Variants in RCOR1 observed in about 807,000 individuals in gnomAD.
RCOR1 encodes the protein REST corepressor 1.
A neutral mutation model predicts 64.0 loss-of-function variants in RCOR1; 12 were observed. The ratio of observed to expected loss-of-function variants is 0.19; its 90% CI spans 0.12 to 0.30. The LOEUF is 0.30. Among genes scored for constraint, RCOR1 ranks in the 10% least tolerant of loss-of-function variants. RCOR1 has a pLI of 1.00. For missense variants in RCOR1, 502 were observed against 621.2 expected (o/e 0.81, Z 2.04); for synonymous variants, 279 against 227.2 (o/e 1.23, Z -2.05).
intron 11 of RCOR1, among the ~76,000 whole-genome samples, chr14:102,725,085 A>G (rs1896234048): frequency 6.6e-6 from 1 of 152,206 alleles, no homozygotes; most frequent in Admixed American, 6.5e-5. Context: ...TGACGTGGAC[A>G]AGGGTGGGTT....
chr14:102,613,924 C>T (rs1419385158), intron 2 of RCOR1, among the ~76,000 whole-genome samples: 1 of 112,472 alleles, frequency 8.9e-6, no homozygotes, highest in Non-Finnish European at 1.7e-5. Flanking sequence ...CAGAGTTTCG[C>T]TGTTGTTGCC....
intron 3 of RCOR1, among the ~76,000 whole-genome samples, chr14:102,696,098 A>C (rs559835622): frequency 6.1e-4 from 93 of 152,164 alleles, no homozygotes; most frequent in Middle Eastern, 6.8e-3. Flanking sequence ...ATTGATCATT[A>C]TTATCATCTG....
At chr14:102,648,636 A>T (rs143820148) in intron 2 of RCOR1, among the ~76,000 whole-genome samples, 1 of 152,320 alleles carries the variant, frequency 6.6e-6, no homozygotes, top group South Asian at 2.1e-4. Flanking sequence ...TTTATTGTCT[A>T]TATCTCTGCC....
intron 3 of RCOR1, among the ~76,000 whole-genome samples, chr14:102,687,975 T>A (rs1243807660): frequency 6.6e-6 from 1 of 151,454 alleles, no homozygotes; most frequent in East Asian, 1.9e-4. Context: ...TTTTTTTTTT[T>A]TTTTTTTTGA....
intron 11 of RCOR1, among the ~76,000 whole-genome samples, chr14:102,723,549 G>A (rs1896205033): frequency 6.6e-6 from 1 of 152,200 alleles, no homozygotes; most frequent in South Asian, 2.1e-4. Context: ...TATTGCCAAG[G>A]TCAGTACCCC....
At chr14:102,631,525 TA>T (rs1366014675) in intron 2 of RCOR1, among the ~76,000 whole-genome samples, 1 of 151,862 alleles carries the variant, frequency 6.6e-6, no homozygotes, top group Non-Finnish European at 1.5e-5. Flanking sequence ...TTTTTGAGAA[TA>T]AAAAGGGGCC....
chr14:102,652,846 AT>A (rs1295402549), intron 2 of RCOR1, among the ~76,000 whole-genome samples: 1 of 152,192 alleles, frequency 6.6e-6, no homozygotes, highest in African/African-American at 2.4e-5. Flanking sequence ...TATCGGGAAG[AT>A]TTGAGGGGAG....
At chr14:102,621,741 G>T (rs1893877403) in intron 2 of RCOR1, among the ~76,000 whole-genome samples, 1 of 152,104 alleles carries the variant, frequency 6.6e-6, no homozygotes, top group South Asian at 2.1e-4. Context: ...TACAAAGGCG[G>T]AATTTGACTG....
chr14:102,720,923 T>C (rs1229211544), intron 8 of RCOR1, 84 bp from the exon 9 acceptor site: 1 of 707,380 alleles, frequency 1.4e-6, no homozygotes, highest in Non-Finnish European at 2.3e-6. Flanking sequence ...TCTTGGGTTT[T>C]TGTTTCTTTA....
intron 3 of RCOR1, among the ~76,000 whole-genome samples, chr14:102,686,422 C>A (rs1282709867): frequency 1.3e-5 from 2 of 152,160 alleles, no homozygotes; most frequent in African/African-American, 4.8e-5. Flanking sequence ...ACGTTTGTTA[C>A]AATCAAGCAG....
At chr14:102,653,441 G>A (rs1894634027) in intron 2 of RCOR1, among the ~76,000 whole-genome samples, 1 of 152,116 alleles carries the variant, frequency 6.6e-6, no homozygotes, top group African/African-American at 2.4e-5. Flanking sequence ...GCTGGCCTCG[G>A]CTTCCCAAAG....
intron 2 of RCOR1, among the ~76,000 whole-genome samples, chr14:102,600,367 G>A (rs577205148): frequency 3.3e-5 from 5 of 151,850 alleles, no homozygotes; most frequent in African/African-American, 9.7e-5. Flanking sequence ...GAGCCACCGC[G>A]CCCAGCCAGT....
chr14:102,643,356 G>A, intron 2 of RCOR1: 1 of 966,528 alleles, frequency 1.0e-6, no homozygotes, highest in Non-Finnish European at 1.2e-6. Context: ...AAGGAAGAAA[G>A]GTAAAAACAT....
At chr14:102,716,746 A>T (rs956846086) in intron 8 of RCOR1, among the ~76,000 whole-genome samples, 1 of 152,178 alleles carries the variant, frequency 6.6e-6, no homozygotes, top group East Asian at 1.9e-4. Context: ...AACTTTATGT[A>T]CTTTATTAAT....
chr14:102,711,282 C>T (rs1278628708), intron 7 of RCOR1, among the ~76,000 whole-genome samples: 2 of 152,212 alleles, frequency 1.3e-5, no homozygotes, highest in Non-Finnish European at 2.9e-5. Context: ...TGACTTTCTT[C>T]GTAAGCCATT....
At chr14:102,643,429 A>G (rs1425028050) in intron 2 of RCOR1, 1 of 478,992 alleles carries the variant, frequency 2.1e-6, no homozygotes, top group Non-Finnish European at 2.7e-6. Flanking sequence ...AGATGTCACT[A>G]ATGTTTTAGA....
At chr14:102,649,041 C>G (rs1894530229) in intron 2 of RCOR1, among the ~76,000 whole-genome samples, 1 of 145,608 alleles carries the variant, frequency 6.9e-6, no homozygotes, top group Non-Finnish European at 1.5e-5. Context: ...GATACATATA[C>G]AGAAAACCAA....
Position 102,658,527 on chromosome 14 carries a change from T to A in RCOR1, c.362-23368T>A, listed in dbSNP as rs1458694788. ...GGTTTTCTTACTTTTATGACTTGAA[T>A]TATGGAAAGTTTTTAGAATGTGACT... is the stretch of plus-strand genomic sequence containing the variant. On this transcript the variant is annotated intron_variant, in intron 2 of 11. Transcript: ENST00000262241. The A allele has an allele frequency of 3.0e-6, 3 of 985,106 alleles. No homozygotes were observed. In the East Asian group the frequency reaches 3.4e-4, roughly 112 times the overall value. The allele number at this position is 985,106 out of a possible 1,614,324, so 61.0% of individuals were successfully genotyped here. A position where few individuals can be genotyped will look rare whatever the true frequency, so the allele number is the denominator to read the frequency against.
At chr14:102,717,101 C>T (rs1340990721) in intron 8 of RCOR1, among the ~76,000 whole-genome samples, 3 of 152,092 alleles carry the variant, frequency 2.0e-5, no homozygotes, top group Non-Finnish European at 2.9e-5. Context: ...TTTTAAATTA[C>T]TTTTTATAAT....
Sources: gnomAD v4.1 joint callset for allele counts (sites outside exome capture counted in the v4.1 genomes callset) on GRCh38, gnomAD v4.1.1 for gene constraint, MANE v1.5 for transcripts, NCBI Gene and HGNC (gene_info 2026-07-23, HGNC 2026-07-21) for gene names.